CRACDL: variants seen among roughly 807,000 people sequenced by gnomAD.
The protein encoded by CRACDL is CRACD-like protein.
A neutral mutation model predicts 70.6 loss-of-function variants in CRACDL; 26 were observed. That is an observed-to-expected ratio of 0.37 (90% CI 0.27 to 0.51). The LOEUF is 0.51. Among genes scored for constraint, CRACDL ranks in the 20% least tolerant of loss-of-function variants. CRACDL has a pLI of 0.94. For synonymous variants in CRACDL, 618 were observed against 615.2 expected (o/e 1.00, Z -0.07); for missense variants, 1,283 against 1,376.9 (o/e 0.93, Z 1.08).
chr2:98,847,592 A>T (rs1277175416), intron 1 of CRACDL, among the ~76,000 whole-genome samples: 1 of 152,146 alleles, frequency 6.6e-6, no homozygotes, highest in Non-Finnish European at 1.5e-5. Context: ...TGAATAAAAA[A>T]ATCCCTCACT....
At chr2:98,814,879 G>A (rs141136908) in intron 7 of CRACDL, among the ~76,000 whole-genome samples, 2 of 152,072 alleles carry the variant, frequency 1.3e-5, no homozygotes, top group Admixed American at 1.3e-4. Flanking sequence ...CACACATTTA[G>A]TACTCTTATG....
chr2:98,814,550 G>A (rs970693464), intron 7 of CRACDL, among the ~76,000 whole-genome samples: 5 of 152,116 alleles, frequency 3.3e-5, no homozygotes, highest in South Asian at 4.1e-4. Flanking sequence ...CAATTCTTTC[G>A]AATTTAATAA....
intron 7 of CRACDL, among the ~76,000 whole-genome samples, chr2:98,813,046 T>C (rs1238017542): frequency 6.6e-6 from 1 of 152,236 alleles, no homozygotes; most frequent in African/African-American, 2.4e-5. Context: ...GATGTAAGAC[T>C]TAGGTCAAGG....
At chr2:98,922,438 C>CA (rs565954351) in intron 1 of CRACDL, among the ~76,000 whole-genome samples, 4,821 of 62,892 alleles carry the variant, frequency 0.077, 277 homozygotes, top group African/African-American at 0.22. Flanking sequence ...GACTCCGTCT[C>CA]AAAAAAAAAA....
rs772183469 is a variant in CRACDL at position 98,823,150 on chromosome 2, C to G, written c.1123G>C (p.Ala375Pro). ...GGGGCACACGGGCCTGCGGGGGGCGCCTCCCCATCCTGCTTTCCGCCGTCG... is the reference window on the plus strand; with the variant it reads ...GGGGCACACGGGCCTGCGGGGGGCGGCTCCCCATCCTGCTTTCCGCCGTCG... ...GPDGGKQDGE[A>P]PPAGPCAPAT... Residue 375 changes from alanine to proline, a missense_variant, in exon 7 of 10, where the codon GCG becomes CCG. Ala to Pro is a conservative substitution (Grantham distance 27). Around this residue, in one of 2 missense-constraint regions of CRACDL, gnomAD observed 921 missense variants for 881.9 expected, o/e 1.04. Coordinates refer to ENST00000397899, the MANE Select transcript of CRACDL (RefSeq NM_207362.3). The surrounding 1 kb of genome is among the most constrained non-coding windows in gnomAD (Gnocchi z 4.0). 4 of 1,552,482 alleles carry G rather than the reference C, an allele frequency of 2.6e-6. No individual in the cohort carries two copies. In the African/African-American group the frequency reaches 5.7e-5, roughly 22 times the overall value.
At chr2:98,891,485 C>G (rs11123755) in intron 1 of CRACDL, among the ~76,000 whole-genome samples, 78,972 of 150,068 alleles carry the variant, frequency 0.53, 22,226 homozygotes, top group African/African-American at 0.73. Context: ...GTTTCTTTTT[C>G]GGGTAATGAA....
At chr2:98,909,421 C>T (rs964258140) in intron 1 of CRACDL, among the ~76,000 whole-genome samples, 7 of 152,168 alleles carry the variant, frequency 4.6e-5, no homozygotes, top group Admixed American at 6.5e-5. Context: ...TATTACAAAT[C>T]TGAGAAAGCA....
chr2:98,882,432 G>A (rs952393763), intron 1 of CRACDL, among the ~76,000 whole-genome samples: 1 of 152,272 alleles, frequency 6.6e-6, no homozygotes, highest in African/African-American at 2.4e-5. Context: ...AGGCCCAGGA[G>A]AGTGAAGCTC....
chr2:98,891,020 C>T (rs1707957430), intron 1 of CRACDL, among the ~76,000 whole-genome samples: 1 of 151,014 alleles, frequency 6.6e-6, no homozygotes, highest in Non-Finnish European at 1.5e-5. Context: ...TTGTGTCATT[C>T]CAGCCTGGGT....
chr2:98,809,115 A>T (rs1381806157), intron 7 of CRACDL, among the ~76,000 whole-genome samples: 1 of 152,172 alleles, frequency 6.6e-6, no homozygotes, highest in Non-Finnish European at 1.5e-5. Flanking sequence ...AGTAATTAAA[A>T]TGTGTAGCCT....
intron 1 of CRACDL, among the ~76,000 whole-genome samples, chr2:98,898,438 G>A (rs1004564427): frequency 2.6e-5 from 4 of 152,240 alleles, no homozygotes; most frequent in Non-Finnish European, 4.4e-5. Flanking sequence ...TTCAAAAAAC[G>A]GAGGGCCAGG....
intron 1 of CRACDL, chr2:98,869,186 C>T: frequency 7.7e-7 from 1 of 1,304,148 alleles, no homozygotes; most frequent in Non-Finnish European, 1.0e-6. Context: ...GAAGAGTGGG[C>T]CTCCCTTTCC....
intron 3 of CRACDL, among the ~76,000 whole-genome samples, chr2:98,837,475 C>G (rs1705846396): frequency 6.6e-6 from 1 of 151,970 alleles, no homozygotes; most frequent in Admixed American, 6.6e-5. Flanking sequence ...AAGGTAAAAG[C>G]TAGCATAGCA....
chr2:98,807,702 C>T (rs1438795881), intron 7 of CRACDL, among the ~76,000 whole-genome samples: 1 of 152,242 alleles, frequency 6.6e-6, no homozygotes, highest in Non-Finnish European at 1.5e-5. Flanking sequence ...ACGCATAAAG[C>T]ATTTAACGTT....
At position 98,821,860 on chromosome 2, in the gene CRACDL, C is replaced by G. The variant is rs754824478; in HGVS notation, c.2413G>C (p.Ala805Pro). The change falls in exon 7 of 10, where the codon GCT (alanine) becomes CCT (proline). Residue 805 changes from alanine (A) to proline (P), a missense_variant. Coordinates refer to ENST00000397899, the MANE Select transcript of CRACDL (RefSeq NM_207362.3). ...CGCACCCTCGGCGGGCTCTTACCAG[C>G]TCCCCTGCGCAGCGGCCTTTTCTCC... ...TAEKRPLRRG[A>P]EKSLPPAATG... is the part of the protein sequence containing the mutation. 1.6e-5 allele frequency: 26 copies of G among 1,606,974 alleles called. No individual in the cohort carries two copies. The African/African-American group carries it at 3.4e-4, about 21-fold the overall frequency.
At chr2:98,804,626 G>A (rs1704213380) in intron 7 of CRACDL, among the ~76,000 whole-genome samples, 1 of 152,194 alleles carries the variant, frequency 6.6e-6, no homozygotes, top group Non-Finnish European at 1.5e-5. Flanking sequence ...GTGGAGTGCT[G>A]ATGTGCTGTC....
At chr2:98,869,842 GTT>G in intron 1 of CRACDL, among the ~76,000 whole-genome samples, 1 of 152,284 alleles carries the variant, frequency 6.6e-6, no homozygotes, top group East Asian at 1.9e-4. Context: ...GATATGCTTT[GTT>G]AACTGCTTTC....
At position 98,896,902 on chromosome 2, in the gene CRACDL, T is replaced by G. The variant is rs370701301; in HGVS notation, c.-11+39036A>C. 4.6e-5 allele frequency among the ~76,000 whole-genome samples: 7 copies of G among 152,250 alleles called. No individual in the cohort carries two copies. The East Asian group carries it at 1.2e-3, about 25-fold the overall frequency. The stretch of plus-strand genomic sequence containing the variant: ...TAAGAACCCATGACTGTACTCTCTC[T>G]CCCTTGGACACCCCTGGCAGGCATT... On this transcript the variant is annotated intron_variant, in intron 1 of 9. Coordinates refer to ENST00000397899, the MANE Select transcript of CRACDL (RefSeq NM_207362.3).
At chr2:98,869,325 C>T (rs1398672368) in intron 1 of CRACDL, 14 of 1,184,404 alleles carry the variant, frequency 1.2e-5, no homozygotes, top group Admixed American at 3.5e-5. Flanking sequence ...TCCTGTGCCC[C>T]GTGAGCTCCT....
Sources: gnomAD v4.1 joint callset for allele counts (sites outside exome capture counted in the v4.1 genomes callset) on GRCh38, gnomAD v4.1.1 for gene constraint, gnomAD v4.1.1 regional missense constraint, Gnocchi (gnomAD v3.1) non-coding constraint, MANE v1.5 for transcripts, NCBI Gene and HGNC (gene_info 2026-07-23, HGNC 2026-07-21) for gene names.